The following ADAMTSL1 variants were observed in gnomAD, a reference collection of about 807,000 sequenced individuals.
ADAMTSL1 encodes ADAMTS like 1.
ADAMTSL1 carries 126 observed loss-of-function variants against 201.8 expected under a neutral mutation model. The observed-to-expected ratio is 0.62, with a 90% CI of 0.54 to 0.72. The LOEUF is 0.72. ADAMTSL1 is among the 30% of genes least tolerant of loss of function. The pLI is 0.00. For synonymous variants in ADAMTSL1, 1,121 were observed against 903.4 expected (o/e 1.24, Z -4.32); for missense variants, 2,679 against 2,277.8 (o/e 1.18, Z -3.59).
At chr9:18,720,818 G>A (rs901790466) in intron 14 of ADAMTSL1, among the ~76,000 whole-genome samples, 2 of 152,138 alleles carry the variant, frequency 1.3e-5, no homozygotes, top group Non-Finnish European at 2.9e-5. Context: ...GTCTCCCCAA[G>A]GGCCCTGCAA....
intron 1 of ADAMTSL1, among the ~76,000 whole-genome samples, chr9:18,110,659 G>A (rs78174994): frequency 0.011 from 1,703 of 152,252 alleles, 41 homozygotes; most frequent in African/African-American, 0.039. Flanking sequence ...TGACTACCAA[G>A]CTGTTGCTCA....
chr9:18,491,632 T>C (rs994840296), intron 1 of ADAMTSL1, among the ~76,000 whole-genome samples: 1 of 152,226 alleles, frequency 6.6e-6, no homozygotes, highest in Non-Finnish European at 1.5e-5. Flanking sequence ...AACATGATCA[T>C]TTAATTTATA....
chr9:18,002,662 G>T (rs932776502), intron 1 of ADAMTSL1, among the ~76,000 whole-genome samples: 1 of 151,956 alleles, frequency 6.6e-6, no homozygotes, highest in Non-Finnish European at 1.5e-5. Context: ...ATCTTATAGG[G>T]TATTATGAGG....
chr9:18,770,868 G>T lies in ADAMTSL1; in HGVS notation c.2397+87G>T, dbSNP rs1820651955. ...CATATACATAGAAAAGGCAAGAAGA[G>T]AACAAAACAATCTTCCTAATATTAT... On this transcript the variant is annotated intron_variant, in intron 17 of 28. Transcript: ENST00000380548. 16 of 1,325,056 alleles carry T rather than the reference G, an allele frequency of 1.2e-5. No individual in the cohort carries two copies. In the Admixed American group the frequency reaches 3.5e-4, roughly 29 times the overall value. The allele number at this position is 1,325,056 out of a possible 1,614,324, so 82.1% of individuals were successfully genotyped here.
intron 1 of ADAMTSL1, among the ~76,000 whole-genome samples, chr9:17,988,528 T>C (rs1399165688): frequency 6.6e-6 from 1 of 151,744 alleles, no homozygotes; most frequent in Non-Finnish European, 1.5e-5. Context: ...ATAATTATTT[T>C]ATATAAAATC....
intron 23 of ADAMTSL1, among the ~76,000 whole-genome samples, chr9:18,875,368 A>T (rs1828086744): frequency 6.6e-6 from 1 of 151,982 alleles, no homozygotes; most frequent in South Asian, 2.1e-4. Context: ...GCTCTTTCAG[A>T]CTTTTTAATG....
chr9:18,008,715 C>T (rs1819933090), intron 1 of ADAMTSL1, among the ~76,000 whole-genome samples: 1 of 151,830 alleles, frequency 6.6e-6, no homozygotes, highest in Admixed American at 6.6e-5. Context: ...GGTGCTCTGG[C>T]CTAGAAGTGA....
At chr9:18,313,767 T>C (rs1024127558) in intron 2 of ADAMTSL1, among the ~76,000 whole-genome samples, 4 of 152,134 alleles carry the variant, frequency 2.6e-5, no homozygotes, top group African/African-American at 7.2e-5. Flanking sequence ...CCTCCTGACA[T>C]TGGTCTTGGC....
chr9:18,615,831 T>C (rs1340487829), intron 4 of ADAMTSL1, among the ~76,000 whole-genome samples: 2 of 152,176 alleles, frequency 1.3e-5, no homozygotes, highest in South Asian at 2.1e-4. Flanking sequence ...TTTACGAATC[T>C]GGAGCCACAT....
At chr9:18,315,607 G>C (rs978775282) in intron 2 of ADAMTSL1, among the ~76,000 whole-genome samples, 5 of 152,146 alleles carry the variant, frequency 3.3e-5, no homozygotes, top group African/African-American at 1.2e-4. Context: ...CTCACTGCCC[G>C]GGCCGGCCGC....
chr9:18,528,110 TC>T (rs1819207420), intron 2 of ADAMTSL1, among the ~76,000 whole-genome samples: 2 of 152,276 alleles, frequency 1.3e-5, no homozygotes, highest in South Asian at 4.1e-4. Context: ...ACTCCTGACC[TC>T]ACATGATCCA....
chr9:17,988,036 C>T (rs1054329329), intron 1 of ADAMTSL1, among the ~76,000 whole-genome samples: 1 of 151,982 alleles, frequency 6.6e-6, no homozygotes, highest in Non-Finnish European at 1.5e-5. Context: ...TAATTTAGTT[C>T]TGTGATTTTT....
chr9:17,942,235 A>C lies in ADAMTSL1; in HGVS notation c.87+35313A>C, dbSNP rs73416834. Reference sequence around the variant, plus strand: ...TCTGTAAATGGATGGTGATGTGATGAGTATGCAACATTGTGAATGTATTTA... The same window carrying C: ...TCTGTAAATGGATGGTGATGTGATGCGTATGCAACATTGTGAATGTATTTA... On this transcript the variant is annotated intron_variant, in intron 1 of 29. Coordinates refer to the ADAMTSL1 transcript ENST00000680146. Among the ~76,000 whole-genome samples, 1,456 of 152,242 alleles carry C rather than the reference A, an allele frequency of 9.6e-3. 27 individuals are homozygous for C. The highest frequency in any genetic ancestry group is 0.033 in the African/African-American group (1,354 of 41,556).
intron 23 of ADAMTSL1, among the ~76,000 whole-genome samples, chr9:18,847,911 A>G (rs10122166): frequency 0.19 from 28,531 of 152,272 alleles, 5,076 homozygotes; most frequent in African/African-American, 0.46. Flanking sequence ...ACATTTATAA[A>G]CAGATGCAAT....
chr9:18,504,932 C>G lies in ADAMTSL1; in HGVS notation c.167C>G (p.Ser56Cys). 6 of 1,610,434 alleles carry G rather than the reference C, an allele frequency of 3.7e-6. No individual in the cohort carries two copies. Among genetic ancestry groups the G allele is most frequent in the African/African-American group, 1.3e-5 (1 of 74,820 alleles). Residue 56 changes from serine (S) to cysteine (C), a missense_variant, in exon 2 of 29, where the codon TCT becomes TGT. Physicochemically the swap from Ser to Cys is moderately radical, Grantham distance 112. Coordinates refer to ENST00000380548, the MANE Select transcript of ADAMTSL1 (RefSeq NM_001040272.6). Reference protein sequence around the residue: ...SRTCGGGASYSLRRCLSSKSC... With the variant: ...SRTCGGGASYCLRRCLSSKSC... ...ACCTGCGGGGGTGGGGCCTCCTACT[C>G]TCTGAGGCGCTGCCTGAGCAGCAAG...
At chr9:18,255,427 T>C (rs888261257) in intron 2 of ADAMTSL1, among the ~76,000 whole-genome samples, 8 of 152,204 alleles carry the variant, frequency 5.3e-5, no homozygotes, top group Non-Finnish European at 1.0e-4. Flanking sequence ...TGTCAGTACT[T>C]AATTTCTGCA....
At chr9:18,890,177 C>T (rs1829156647) in intron 25 of ADAMTSL1, among the ~76,000 whole-genome samples, 1 of 152,226 alleles carries the variant, frequency 6.6e-6, no homozygotes, top group East Asian at 1.9e-4. Context: ...CTTAAATACC[C>T]ATGCTAATCA....
At chr9:18,905,058 A>G (rs183910226) in intron 26 of ADAMTSL1, among the ~76,000 whole-genome samples, 1 of 152,204 alleles carries the variant, frequency 6.6e-6, no homozygotes, top group African/African-American at 2.4e-5. Flanking sequence ...AAGACCCCCA[A>G]GTTAAGAGCC....
intron 20 of ADAMTSL1, among the ~76,000 whole-genome samples, chr9:18,803,614 T>C (rs1822932310): frequency 6.6e-6 from 1 of 152,168 alleles, no homozygotes; most frequent in Non-Finnish European, 1.5e-5. Flanking sequence ...AAAATAAAAA[T>C]TTAATGTTGC....
Sources: gnomAD v4.1 joint callset for allele counts (sites outside exome capture counted in the v4.1 genomes callset) on GRCh38, gnomAD v4.1.1 for gene constraint, MANE v1.5 for transcripts, NCBI Gene and HGNC (gene_info 2026-07-23, HGNC 2026-07-21) for gene names.